SLC24A2: variants seen among roughly 807,000 people sequenced by gnomAD.
SLC24A2 encodes solute carrier family 24 member 2, also known as sodium/potassium/calcium exchanger 2.
A neutral mutation model predicts 62.0 loss-of-function variants in SLC24A2; 36 were observed. The observed-to-expected ratio is 0.58, with a 90% CI of 0.44 to 0.77. The LOEUF (loss-of-function observed/expected upper bound fraction) is 0.77. Among genes scored for constraint, SLC24A2 ranks in the 30% least tolerant of loss-of-function variants. The probability of loss-of-function intolerance (pLI) is 0.00; values close to 1 mark genes in which losing one functional copy is unlikely to be tolerated. For synonymous variants in SLC24A2, 358 were observed against 294.0 expected (o/e 1.22, Z -2.23); for missense variants, 846 against 817.9 (o/e 1.03, Z -0.42).
chr9:19,886,425 C>T, the SLC24A2 span, among the ~76,000 whole-genome samples: 1 of 148,580 alleles, frequency 6.7e-6, no homozygotes, highest in South Asian at 2.3e-4. Flanking sequence ...CAAAAGAAGA[C>T]ATTTATATGG....
At chr9:19,983,232 G>C in the SLC24A2 span, among the ~76,000 whole-genome samples, 2 of 152,138 alleles carry the variant, frequency 1.3e-5, no homozygotes, top group Non-Finnish European at 2.9e-5. Context: ...TCTATTCACA[G>C]ATGACATGTT....
chr9:20,157,602 C>A, the SLC24A2 span, among the ~76,000 whole-genome samples: 1 of 151,744 alleles, frequency 6.6e-6, no homozygotes, highest in East Asian at 1.9e-4. Flanking sequence ...AGGTTGCAAC[C>A]AGTAACTCTC....
chr9:19,737,859 A>G (rs2118750209), intron 2 of SLC24A2, among the ~76,000 whole-genome samples: 1 of 152,220 alleles, frequency 6.6e-6, no homozygotes, highest in East Asian at 1.9e-4. Flanking sequence ...TTCAGTTCTA[A>G]CATGGAATGT....
At chr9:19,958,960 A>G in the SLC24A2 span, among the ~76,000 whole-genome samples, 1 of 152,190 alleles carries the variant, frequency 6.6e-6, no homozygotes, top group Non-Finnish European at 1.5e-5. Context: ...ATGCACCCTA[A>G]GTCTGAACAA....
the SLC24A2 span, among the ~76,000 whole-genome samples, chr9:20,150,022 A>T: frequency 6.6e-6 from 1 of 152,114 alleles, no homozygotes; most frequent in Non-Finnish European, 1.5e-5. Flanking sequence ...ACTATAGGAG[A>T]TGTGAATAGA....
the SLC24A2 span, among the ~76,000 whole-genome samples, chr9:20,245,407 G>C: frequency 6.6e-6 from 1 of 152,230 alleles, no homozygotes; most frequent in Non-Finnish European, 1.5e-5. Context: ...AAGCCAAAGA[G>C]AGGTGGAAGT....
At chr9:19,706,667 C>T (rs545963929) in intron 2 of SLC24A2, among the ~76,000 whole-genome samples, 64 of 152,206 alleles carry the variant, frequency 4.2e-4, no homozygotes, top group African/African-American at 1.5e-3. Context: ...CGTGAGCCAC[C>T]GCGCCCGGCC....
In SLC24A2 at chr9:19,514,275, T is replaced by C. The variant is rs574153872; in HGVS notation, c.*1878A>G. ...GTGAGTTCTGCATCCTGTCCTCTTATGTTAAGAGGTATGTGCTCACAACAA... is the reference window on the plus strand; with the variant it reads ...GTGAGTTCTGCATCCTGTCCTCTTACGTTAAGAGGTATGTGCTCACAACAA... On this transcript the variant is annotated 3_prime_UTR_variant, in exon 11 of 11. Coordinates refer to ENST00000341998, the MANE Select transcript of SLC24A2 (RefSeq NM_020344.4). The C allele has an allele frequency of 7.5e-4, 114 of 152,328 alleles. No individual in the cohort carries two copies. The highest frequency in any genetic ancestry group is 3.4e-3 in the Middle Eastern group (1 of 294). 9.4% of individuals were successfully genotyped at this position (152,328 alleles called of 1,614,324 possible).
chr9:19,636,330 T>TTCTTTTCTTTTCTTTTCTTTTCTTTTC (rs1491510974), intron 2 of SLC24A2, among the ~76,000 whole-genome samples: 3 of 30,236 alleles, frequency 9.9e-5, no homozygotes, highest in African/African-American at 4.2e-4. Flanking sequence ...TTTCTTTCTT[T>TTCTTTTCTTTTCTTTTCTTTTCTTTTC]CTTTCTTTCT....
the SLC24A2 span, among the ~76,000 whole-genome samples, chr9:19,794,935 T>C: frequency 6.6e-6 from 1 of 152,162 alleles, no homozygotes; most frequent in Non-Finnish European, 1.5e-5. Context: ...AGACTCTACC[T>C]ATTTCTAGTT....
At chr9:19,811,641 C>T in the SLC24A2 span, among the ~76,000 whole-genome samples, 1 of 151,942 alleles carries the variant, frequency 6.6e-6, no homozygotes, top group Non-Finnish European at 1.5e-5. Context: ...TATTTTTTAC[C>T]ATTTTTTCAG....
At chr9:19,957,613 G>C in the SLC24A2 span, 2 of 152,878 alleles carry the variant, frequency 1.3e-5, no homozygotes, top group Non-Finnish European at 2.9e-5. Context: ...TGGAAGTATG[G>C]GGGTCTTTGT....
At chr9:20,263,822 GC>G in the SLC24A2 span, among the ~76,000 whole-genome samples, 1 of 137,578 alleles carries the variant, frequency 7.3e-6, no homozygotes, top group African/African-American at 2.8e-5. Flanking sequence ...AAGTAAACCT[GC>G]TTCCCCTCTC....
the SLC24A2 span, among the ~76,000 whole-genome samples, chr9:20,129,193 T>C: frequency 6.6e-6 from 1 of 152,140 alleles, no homozygotes; most frequent in Non-Finnish European, 1.5e-5. Context: ...CATGAAAATA[T>C]GCTCAGTATC....
the SLC24A2 span, among the ~76,000 whole-genome samples, chr9:19,998,607 G>A: frequency 5.3e-5 from 8 of 152,328 alleles, no homozygotes; most frequent in African/African-American, 1.7e-4. Context: ...CGCTTCCTAT[G>A]ACCACCCCTC....
At chr9:19,738,831 A>G (rs1258267426) in intron 2 of SLC24A2, among the ~76,000 whole-genome samples, 1 of 152,164 alleles carries the variant, frequency 6.6e-6, no homozygotes, top group Non-Finnish European at 1.5e-5. Context: ...TAAAAATCAT[A>G]TATCTAGCCA....
the SLC24A2 span, among the ~76,000 whole-genome samples, chr9:19,813,147 C>T: frequency 2.6e-5 from 4 of 152,042 alleles, no homozygotes; most frequent in South Asian, 6.2e-4. Context: ...TTTTGATTTT[C>T]CAGCCCCATG....
the SLC24A2 span, among the ~76,000 whole-genome samples, chr9:20,202,047 C>A: frequency 7.5e-6 from 1 of 133,190 alleles, no homozygotes; most frequent in Non-Finnish European, 1.6e-5. Flanking sequence ...AATCCCATTT[C>A]ATGGTGTGTG....
intron 2 of SLC24A2, among the ~76,000 whole-genome samples, chr9:19,718,286 T>TC (rs915724168): frequency 4.7e-5 from 5 of 106,878 alleles, no homozygotes; most frequent in African/African-American, 2.1e-4. Flanking sequence ...ATTTAACACT[T>TC]TTTTTTTTTT....
Sources: allele counts gnomAD v4.1 joint callset (sites outside exome capture counted in the v4.1 genomes callset), GRCh38; gene constraint gnomAD v4.1.1; transcripts MANE v1.5; gene names NCBI Gene and HGNC (gene_info 2026-07-23, HGNC 2026-07-21).